The following SOCS2 variants were observed in gnomAD, a reference collection of about 807,000 sequenced individuals.
SOCS2 encodes CIS-2.
Under a neutral mutation model 18.6 loss-of-function variants are expected in SOCS2, and 10 were observed. The observed-to-expected ratio is 0.54, with a 90% CI of 0.33 to 0.91. The LOEUF (loss-of-function observed/expected upper bound fraction) is 0.91. SOCS2 is among the 40% of genes least tolerant of loss of function. The probability of loss-of-function intolerance (pLI) is 0.02; values close to 1 mark genes in which losing one functional copy is unlikely to be tolerated. For missense variants in SOCS2, 231 were observed against 247.2 expected (o/e 0.93, Z 0.44); for synonymous variants, 104 against 104.0 (o/e 1.00, Z 0.00).
At chr12:93,609,182 A>G in the SOCS2 span, among the ~76,000 whole-genome samples, 1 of 152,200 alleles carries the variant, frequency 6.6e-6, no homozygotes, top group African/African-American at 2.4e-5. Flanking sequence ...ACCTGAGTTC[A>G]GGAGTTCGGG....
chr12:93,606,724 C>T, the SOCS2 span, among the ~76,000 whole-genome samples: 2 of 152,176 alleles, frequency 1.3e-5, no homozygotes, highest in Non-Finnish European at 2.9e-5. Flanking sequence ...GCAATCTTGG[C>T]TCACTGCAAC....
chr12:93,608,505 A>G, the SOCS2 span, among the ~76,000 whole-genome samples: 1 of 152,064 alleles, frequency 6.6e-6, no homozygotes, highest in Non-Finnish European at 1.5e-5. Flanking sequence ...GACATCACTT[A>G]CTAACTCTGT....
the SOCS2 span, among the ~76,000 whole-genome samples, chr12:93,622,229 C>A: frequency 2.6e-5 from 4 of 152,172 alleles, no homozygotes; most frequent in Non-Finnish European, 5.9e-5. Context: ...AAGGAATGCA[C>A]CTTGGTAGTG....
At chr12:93,620,750 C>T in the SOCS2 span, among the ~76,000 whole-genome samples, 1 of 152,222 alleles carries the variant, frequency 6.6e-6, no homozygotes, top group Non-Finnish European at 1.5e-5. Context: ...CAATTTCCTT[C>T]ACTAAGCTCT....
At chr12:93,586,678 GT>G (rs377465310), downstream of SOCS2, among the ~76,000 whole-genome samples, 3,978 of 151,860 alleles carry the variant, frequency 0.026, 132 homozygotes, top group African/African-American at 0.076. Context: ...CCTTCGTTCA[GT>G]TTTTTTTCAT....
In SOCS2 at chr12:93,576,375, G is replaced by A. The variant is rs901613159; in HGVS notation, c.*1196G>A. 6.6e-6 allele frequency: 1 copy of A among 152,286 alleles called. No individual in the cohort carries two copies. Among genetic ancestry groups the A allele is most frequent in the Non-Finnish European group, 1.5e-5 (1 of 68,038 alleles). 9.4% of individuals were successfully genotyped at this position (152,286 alleles called of 1,614,324 possible). On this transcript the variant is annotated 3_prime_UTR_variant, in exon 2 of 2. Coordinates refer to ENST00000551556, the MANE Select transcript of SOCS2 (RefSeq NM_001270471.2). ...GCCCCCTTTGCAATTTGGAAAGCAT[G>A]GTTTAGAAACTACAGGCATTGTCAA...
At chr12:93,614,411 T>TTCTTTCTTTCTC in the SOCS2 span, among the ~76,000 whole-genome samples, 4 of 140,382 alleles carry the variant, frequency 2.8e-5, no homozygotes, top group South Asian at 4.7e-4. Flanking sequence ...CTTTCTTTCT[T>TTCTTTCTTTCTC]TCTTTCTTCC....
At chr12:93,616,334 A>G in the SOCS2 span, among the ~76,000 whole-genome samples, 1 of 152,208 alleles carries the variant, frequency 6.6e-6, no homozygotes, top group African/African-American at 2.4e-5. Context: ...GTACCAAGAG[A>G]TGGAGAGAAT....
chr12:93,605,507 T>C, the SOCS2 span, among the ~76,000 whole-genome samples: 1 of 152,190 alleles, frequency 6.6e-6, no homozygotes, highest in East Asian at 1.9e-4. Context: ...TTAATAGTTG[T>C]TGATCCCTGG....
chr12:93,610,066 C>G, the SOCS2 span, among the ~76,000 whole-genome samples: 17 of 152,276 alleles, frequency 1.1e-4, no homozygotes, highest in Admixed American at 8.5e-4. Context: ...TTTAAAGGTC[C>G]CATCTCCCAA....
upstream of SOCS2, chr12:93,571,760 T>C: frequency 3.1e-6 from 1 of 326,488 alleles, no homozygotes; most frequent in Non-Finnish European, 6.1e-6. Flanking sequence ...GGCATCTCGT[T>C]CCCAAATTAA....
At chr12:93,582,546 C>G (rs952969655) in intron 1 of SOCS2, among the ~76,000 whole-genome samples, 17 of 152,172 alleles carry the variant, frequency 1.1e-4, no homozygotes, top group Admixed American at 1.0e-3. Flanking sequence ...TCCTTGGCTG[C>G]AGGCTCAGAT....
the SOCS2 span, among the ~76,000 whole-genome samples, chr12:93,603,363 A>T: frequency 6.6e-6 from 1 of 152,184 alleles, no homozygotes; most frequent in Non-Finnish European, 1.5e-5. Flanking sequence ...TGGGAAAAAG[A>T]AGACTCAAAA....
chr12:93,577,100 C>T (rs1389128864), downstream of SOCS2, among the ~76,000 whole-genome samples: 2 of 152,180 alleles, frequency 1.3e-5, no homozygotes, highest in Non-Finnish European at 2.9e-5. Context: ...TCTATTGTCA[C>T]TGTTTTGAAC....
At chr12:93,610,966 T>C in the SOCS2 span, among the ~76,000 whole-genome samples, 1 of 152,218 alleles carries the variant, frequency 6.6e-6, no homozygotes, top group Admixed American at 6.5e-5. Context: ...TGGTGTTTTA[T>C]TTCTAAAAGT....
chr12:93,590,049 C>G, the SOCS2 span, among the ~76,000 whole-genome samples: 2 of 151,886 alleles, frequency 1.3e-5, no homozygotes, highest in Non-Finnish European at 2.9e-5. Flanking sequence ...GTCAGGAGTT[C>G]GAGACCAGCC....
chr12:93,572,987 C>G lies in SOCS2; in HGVS notation c.90C>G (p.Ser30=). The G allele has an allele frequency of 6.4e-7, 1 of 1,570,144 alleles. No homozygotes were observed. Among genetic ancestry groups the G allele is most frequent in the Non-Finnish European group, 8.6e-7 (1 of 1,159,030 alleles). Residue 30 remains serine, a synonymous_variant, in exon 1 of 2, where the codon TCC becomes TCG. Coordinates refer to ENST00000551556, the MANE Select transcript of SOCS2 (RefSeq NM_001270471.2). The surrounding 1 kb of genome is among the most constrained non-coding windows in gnomAD (Gnocchi z 5.0). ...WGTAGSAEEP[S]PQAARLAKAL... Reference sequence around the variant, plus strand: ...CCGCGGGGTCGGCGGAGGAGCCATCCCCGCAGGCGGCGCGTCTGGCGAAGG... The same window carrying G: ...CCGCGGGGTCGGCGGAGGAGCCATCGCCGCAGGCGGCGCGTCTGGCGAAGG...
At chr12:93,607,395 G>A in the SOCS2 span, among the ~76,000 whole-genome samples, 1 of 152,134 alleles carries the variant, frequency 6.6e-6, no homozygotes, top group South Asian at 2.1e-4. Context: ...GATGGCATGT[G>A]CTGAAAACAA....
At chr12:93,581,789 T>A (rs1457531727) in intron 1 of SOCS2, among the ~76,000 whole-genome samples, 2 of 152,212 alleles carry the variant, frequency 1.3e-5, no homozygotes, top group Admixed American at 6.5e-5. Context: ...TTGAGGGAGC[T>A]CTTACAGACC....
Sources: allele counts gnomAD v4.1 joint callset (sites outside exome capture counted in the v4.1 genomes callset), GRCh38; gene constraint gnomAD v4.1.1; non-coding constraint Gnocchi (gnomAD v3.1); transcripts MANE v1.5; gene names NCBI Gene and HGNC (gene_info 2026-07-23, HGNC 2026-07-21).